LMCD1: variants seen among roughly 807,000 people sequenced by gnomAD.
LMCD1 encodes LIM and cysteine rich domains 1.
Under a neutral mutation model 42.7 loss-of-function variants are expected in LMCD1, and 32 were observed. The observed-to-expected ratio is 0.75, with a 90% CI of 0.57 to 1.01. The LOEUF is 1.01. Among genes scored for constraint, LMCD1 ranks in the 50% least tolerant of loss-of-function variants. LMCD1 has a pLI of 0.00. For synonymous variants in LMCD1, 178 were observed against 184.9 expected (o/e 0.96, Z 0.30); for missense variants, 458 against 483.1 (o/e 0.95, Z 0.49).
In LMCD1 at chr3:8,548,920, C is replaced by T; in HGVS notation, c.723+17C>T. 1 of 1,485,282 alleles carries T rather than the reference C, an allele frequency of 6.7e-7. No individual in the cohort carries two copies. The highest frequency in any genetic ancestry group is 9.0e-7 in the Non-Finnish European group (1 of 1,113,996). The allele number at this position is 1,485,282 out of a possible 1,614,324, so 92.0% of individuals were successfully genotyped here. A position where few individuals can be genotyped will look rare whatever the true frequency, so the allele number is the denominator to read the frequency against. On this transcript the variant is annotated intron_variant, in intron 4 of 5. Transcript: ENST00000157600. ...GTGGAATACGTAAGTTTCTCCCATGCTTCCAGCCAGGCTGAAACCATGCAG... is the reference window on the plus strand; with the variant it reads ...GTGGAATACGTAAGTTTCTCCCATGTTTCCAGCCAGGCTGAAACCATGCAG...
At chr3:8,545,511 C>G (rs1694718451) in intron 3 of LMCD1, among the ~76,000 whole-genome samples, 1 of 152,198 alleles carries the variant, frequency 6.6e-6, no homozygotes, top group Non-Finnish European at 1.5e-5. Context: ...TTCCTCAGAT[C>G]TCTGTCCAGT....
At chr3:8,537,162 G>C in intron 2 of LMCD1, 23 bp from the exon 3 acceptor site, 1 of 1,610,356 alleles carries the variant, frequency 6.2e-7, no homozygotes, top group South Asian at 1.1e-5. Context: ...TAATCTCACT[G>C]GTCCCCATCC....
At chr3:8,509,050 T>G (rs985821988) in intron 1 of LMCD1, among the ~76,000 whole-genome samples, 1 of 152,224 alleles carries the variant, frequency 6.6e-6, no homozygotes, top group Non-Finnish European at 1.5e-5. Flanking sequence ...GTTCCTCATT[T>G]GAGAAAGATA....
intron 1 of LMCD1, among the ~76,000 whole-genome samples, chr3:8,504,363 C>A (rs1043644264): frequency 2.0e-5 from 3 of 152,214 alleles, no homozygotes; most frequent in African/African-American, 7.2e-5. Flanking sequence ...CTTCAGGATG[C>A]ATAATCGCAC....
At chr3:8,550,949 A>G in intron 4 of LMCD1, 1 of 985,448 alleles carries the variant, frequency 1.0e-6, no homozygotes, top group East Asian at 1.1e-4. Context: ...AGGCAGCCCA[A>G]GAACCCGGGT....
chr3:8,565,772 G>C, intron 5 of LMCD1, 125 bp downstream of exon 5: 1 of 879,338 alleles, frequency 1.1e-6, no homozygotes, highest in Non-Finnish European at 1.7e-6. Context: ...CTGAAGTCAG[G>C]CCTCACTGCA....
rs545201771 is a variant in LMCD1 at position 8,571,279 on chromosome 3, A to G, written c.*3681A>G. 6.6e-6 allele frequency: 1 copy of G among 152,308 alleles called. No individual in the cohort carries two copies. The highest frequency in any genetic ancestry group is 1.9e-4 in the East Asian group (1 of 5,190). 9.4% of individuals were successfully genotyped at this position (152,308 alleles called of 1,614,324 possible). A position where few individuals can be genotyped will look rare whatever the true frequency, so the allele number is the denominator to read the frequency against. On this transcript the variant is annotated 3_prime_UTR_variant, in exon 6 of 6. Coordinates refer to ENST00000157600, the MANE Select transcript of LMCD1 (RefSeq NM_014583.4). The stretch of plus-strand genomic sequence containing the variant: ...TCTAAAGAATAATCGTATTATCTTT[A>G]TTTCCCCAACTCTTAGTACAAATCC...
rs182864835 is a variant in LMCD1, at chr3:8,546,807, G to A, written c.388-1761G>A. ...CAAGCCTATCAATTGTGGGGCCAGT[G>A]AGAAGAGAGCGCCGAGTGGGACACA... is the stretch of plus-strand genomic sequence containing the variant. On this transcript the variant is annotated intron_variant, in intron 3 of 5. Coordinates refer to ENST00000157600, the MANE Select transcript of LMCD1 (RefSeq NM_014583.4). Among the ~76,000 whole-genome samples the A allele has an allele frequency of 8.7e-4, 133 of 152,316 alleles. 1 individual carries two copies. Among genetic ancestry groups the A allele is most frequent in the Middle Eastern group, 3.4e-3 (1 of 294 alleles).
intron 3 of LMCD1, among the ~76,000 whole-genome samples, chr3:8,547,600 T>C (rs1453977526): frequency 2.0e-5 from 3 of 152,142 alleles, no homozygotes; most frequent in Non-Finnish European, 4.4e-5. Flanking sequence ...TGTCAAAGAA[T>C]GCACTTACAC....
At chr3:8,553,228 T>G (rs1694871191) in intron 4 of LMCD1, among the ~76,000 whole-genome samples, 1 of 150,968 alleles carries the variant, frequency 6.6e-6, no homozygotes, top group Admixed American at 6.6e-5. Flanking sequence ...ACACCAGCTG[T>G]GAGCTCCCTC....
chr3:8,556,944 G>C (rs758663832), intron 4 of LMCD1, among the ~76,000 whole-genome samples: 1 of 152,180 alleles, frequency 6.6e-6, no homozygotes, highest in Non-Finnish European at 1.5e-5. Context: ...GAAGGGGTCA[G>C]TTAACAGTAG....
chr3:8,503,651 TGAGA>T (rs1693814835), intron 1 of LMCD1, among the ~76,000 whole-genome samples: 1 of 152,214 alleles, frequency 6.6e-6, no homozygotes, highest in East Asian at 1.9e-4. Context: ...GGGTGACTCA[TGAGA>T]ATATCTGTCC....
intron 3 of LMCD1, among the ~76,000 whole-genome samples, chr3:8,539,794 T>TA (rs1694583264): frequency 7.6e-6 from 1 of 131,032 alleles, no homozygotes; most frequent in Non-Finnish European, 1.6e-5. Context: ...TTCCCAACAT[T>TA]TTTATTATTA....
At chr3:8,559,729 G>A (rs756913554) in intron 4 of LMCD1, among the ~76,000 whole-genome samples, 3 of 152,194 alleles carry the variant, frequency 2.0e-5, no homozygotes, top group Non-Finnish European at 4.4e-5. Flanking sequence ...ATAGATCCAG[G>A]ACAACCTCAG....
intron 1 of LMCD1, among the ~76,000 whole-genome samples, chr3:8,528,219 G>A (rs1694335461): frequency 6.6e-6 from 1 of 152,064 alleles, no homozygotes; most frequent in Admixed American, 6.6e-5. Context: ...CTTTTCTAGG[G>A]GGCCGGGGGG....
intron 3 of LMCD1, among the ~76,000 whole-genome samples, chr3:8,539,795 TTTATTATTA>T (rs71049735): frequency 0.016 from 2,194 of 139,810 alleles, 35 homozygotes; most frequent in African/African-American, 0.035. Context: ...TCCCAACATT[TTTATTATTA>T]TTATTATTAT....
At chr3:8,534,381 A>G (rs1694473363) in intron 2 of LMCD1, among the ~76,000 whole-genome samples, 1 of 152,210 alleles carries the variant, frequency 6.6e-6, no homozygotes, top group South Asian at 2.1e-4. Flanking sequence ...GAAGTCTCTT[A>G]GCATTGTTTT....
intron 2 of LMCD1, 79 bp downstream of exon 2, chr3:8,532,904 C>A: frequency 5.3e-6 from 6 of 1,142,108 alleles, no homozygotes; most frequent in Non-Finnish European, 7.9e-6. Context: ...TTGCTTTCTT[C>A]GCTGAGACTG....
intron 3 of LMCD1, among the ~76,000 whole-genome samples, chr3:8,545,325 G>T (rs1397819568): frequency 6.6e-6 from 1 of 152,112 alleles, no homozygotes; most frequent in South Asian, 2.1e-4. Flanking sequence ...AATCTAAAAT[G>T]ATCATCTACT....
Sources: gnomAD v4.1 joint callset for allele counts (sites outside exome capture counted in the v4.1 genomes callset) on GRCh38, gnomAD v4.1.1 for gene constraint, MANE v1.5 for transcripts, NCBI Gene and HGNC (gene_info 2026-07-23, HGNC 2026-07-21) for gene names.